FRMD4A: variants seen among roughly 807,000 people sequenced by gnomAD.
FRMD4A encodes the protein FERM domain-containing protein 4A.
In FRMD4A, 29 loss-of-function variants were observed where a neutral mutation model predicts 129.1. The observed-to-expected ratio is 0.22, with a 90% CI of 0.17 to 0.31. The LOEUF is 0.31. FRMD4A is among the 10% of genes least tolerant of loss of function. The probability of loss-of-function intolerance (pLI) is 1.00; values close to 1 mark genes in which losing one functional copy is unlikely to be tolerated. For missense variants in FRMD4A, 1,272 were observed against 1,375.8 expected, an observed-to-expected ratio of 0.92 and a Z score of 1.19; for synonymous variants, 634 against 571.6, an observed-to-expected ratio of 1.11 and a Z score of -1.56.
chr10:13,884,130 ACGCT>A (rs752297219), intron 2 of FRMD4A, among the ~76,000 whole-genome samples: 22,652 of 89,770 alleles, frequency 0.25, 3,238 homozygotes, highest in Non-Finnish European at 0.29. Flanking sequence ...ACTCACACAC[ACGCT>A]CACACACACT....
intron 2 of FRMD4A, among the ~76,000 whole-genome samples, chr10:14,053,108 G>T (rs945307335): frequency 1.6e-4 from 25 of 152,268 alleles, no homozygotes; most frequent in South Asian, 2.1e-4. Context: ...GTGAGCAAAC[G>T]TTTTGAAGGG....
chr10:13,734,651 T>C (rs896293758), intron 12 of FRMD4A, among the ~76,000 whole-genome samples: 2 of 110,144 alleles, frequency 1.8e-5, no homozygotes, highest in Non-Finnish European at 4.4e-5. Context: ...ACTTCTCTTC[T>C]CCTTACACCC....
intron 15 of FRMD4A, among the ~76,000 whole-genome samples, chr10:13,679,943 A>G (rs976893298): frequency 7.9e-5 from 12 of 151,980 alleles, no homozygotes; most frequent in African/African-American, 2.9e-4. Flanking sequence ...GCCCTCTGAT[A>G]TTGATCTGCT....
At chr10:13,766,365 A>G (rs1357872923) in intron 6 of FRMD4A, among the ~76,000 whole-genome samples, 1 of 152,214 alleles carries the variant, frequency 6.6e-6, no homozygotes, top group Non-Finnish European at 1.5e-5. Context: ...TTGACTATCT[A>G]TCTCCCAGTG....
chr10:14,163,654 G>A (rs1232230756), intron 2 of FRMD4A, among the ~76,000 whole-genome samples: 1 of 152,204 alleles, frequency 6.6e-6, no homozygotes, highest in African/African-American at 2.4e-5. Flanking sequence ...AAGCAAATGA[G>A]ATTCCAGAAC....
At chr10:14,106,816 T>A (rs1837610361) in intron 2 of FRMD4A, among the ~76,000 whole-genome samples, 1 of 152,162 alleles carries the variant, frequency 6.6e-6, no homozygotes, top group Admixed American at 6.5e-5. Flanking sequence ...CTGAAGGAAC[T>A]TAAAATCGAG....
At chr10:14,059,720 C>T (rs1243454008) in intron 2 of FRMD4A, among the ~76,000 whole-genome samples, 1 of 152,226 alleles carries the variant, frequency 6.6e-6, no homozygotes, top group Admixed American at 6.5e-5. Flanking sequence ...AGTTGTTTGA[C>T]TCAATAACGG....
At chr10:13,839,503 A>G (rs2093929472) in intron 3 of FRMD4A, among the ~76,000 whole-genome samples, 1 of 152,186 alleles carries the variant, frequency 6.6e-6, no homozygotes, top group African/African-American at 2.4e-5. Flanking sequence ...ATGTAGTTGT[A>G]AAGTCCTAAG....
Position 14,262,964 on chromosome 10 carries a change from C to T in FRMD4A, c.45+67094G>A, listed in dbSNP as rs550333955. On this transcript the variant is annotated intron_variant, in intron 2 of 24. Coordinates refer to ENST00000357447, the MANE Select transcript of FRMD4A (RefSeq NM_018027.5). ...AAAGAAGCAAACAACAAATGCAGCC[C>T]GTGCTGTTCTCATTCTGTCTGTCAG... 3.9e-5 allele frequency among the ~76,000 whole-genome samples: 6 copies of T among 152,308 alleles called. No homozygotes were observed. In the South Asian group the frequency reaches 8.3e-4, roughly 21 times the overall value.
intron 2 of FRMD4A, among the ~76,000 whole-genome samples, chr10:13,931,134 G>A (rs1427638956): frequency 6.6e-6 from 1 of 152,138 alleles, no homozygotes; most frequent in African/African-American, 2.4e-5. Flanking sequence ...CTGATGTAAG[G>A]TGTTGAGCCA....
At chr10:14,250,174 TG>T (rs1844386869) in intron 2 of FRMD4A, among the ~76,000 whole-genome samples, 1 of 152,190 alleles carries the variant, frequency 6.6e-6, no homozygotes. Flanking sequence ...TTGGCCAGGT[TG>T]GTCTTGAACT....
At chr10:13,829,070 C>T (rs1382150064) in intron 3 of FRMD4A, among the ~76,000 whole-genome samples, 1 of 152,146 alleles carries the variant, frequency 6.6e-6, no homozygotes. Context: ...ATTTGCATTC[C>T]TACCAACAGT....
rs74121842 is a variant in FRMD4A at position 13,697,941 on chromosome 10, G to A, written c.975+3399C>T. ...AGCAGACAACGTTTCTGATCTCTGG[G>A]GTCAGCATAGAAGTTACCAATTATA... On this transcript the variant is annotated intron_variant, in intron 14 of 24. Coordinates refer to ENST00000357447, the MANE Select transcript of FRMD4A (RefSeq NM_018027.5). Among the ~76,000 whole-genome samples the A allele has an allele frequency of 3.1e-3, 473 of 152,196 alleles. 3 individuals carry two copies. The highest frequency in any genetic ancestry group is 0.011 in the African/African-American group (451 of 41,528).
intron 8 of FRMD4A, among the ~76,000 whole-genome samples, chr10:13,759,800 T>C (rs2091997725): frequency 6.6e-6 from 1 of 152,170 alleles, no homozygotes; most frequent in Non-Finnish European, 1.5e-5. Context: ...CCAAAGCTAC[T>C]TACAGTCATT....
chr10:14,095,787 C>T lies in FRMD4A; in HGVS notation c.45+234271G>A, dbSNP rs1435371440. On this transcript the variant is annotated intron_variant, in intron 2 of 24. Transcript: ENST00000357447. ...AACATGCTTTCCAAAACACGACCCA[C>T]TTCTCCAGAGTTTAATCATGCTGAG... Among the ~76,000 whole-genome samples, 4 of 152,244 alleles carry T rather than the reference C, an allele frequency of 2.6e-5. No homozygotes were observed. The East Asian group carries it at 5.8e-4, about 22-fold the overall frequency.
rs1181787526 is a variant in FRMD4A, at chr10:13,670,604, C to T, written c.1252-76G>A. 120 of 1,430,224 alleles carry T rather than the reference C, an allele frequency of 8.4e-5. 2 individuals are homozygous for T. The highest frequency in any genetic ancestry group is 5.7e-4 in the South Asian group (48 of 84,416). 88.6% of individuals were successfully genotyped at this position (1,430,224 alleles called of 1,614,324 possible). A position where few individuals can be genotyped will look rare whatever the true frequency, so the allele number is the denominator to read the frequency against. On this transcript the variant is annotated intron_variant, in intron 16 of 24. Transcript: ENST00000357447. ...GTCTGCTTCCTAGAACACACACACACGCACATACACGCACACAAAAATGCA... is the reference window on the plus strand; with the variant it reads ...GTCTGCTTCCTAGAACACACACACATGCACATACACGCACACAAAAATGCA...
At chr10:14,045,696 A>G (rs1008936813) in intron 2 of FRMD4A, among the ~76,000 whole-genome samples, 4 of 146,474 alleles carry the variant, frequency 2.7e-5, no homozygotes, top group African/African-American at 7.4e-5. Flanking sequence ...ATATGATATA[A>G]TTATATTATA....
At chr10:14,104,617 A>C (rs1199509748) in intron 2 of FRMD4A, among the ~76,000 whole-genome samples, 1 of 152,230 alleles carries the variant, frequency 6.6e-6, no homozygotes, top group African/African-American at 2.4e-5. Flanking sequence ...CGACCTGAGT[A>C]GAAAGGCCAG....
intron 13 of FRMD4A, 129 bp from the exon 14 acceptor site, chr10:13,701,607 A>C: frequency 1.3e-6 from 1 of 757,312 alleles, no homozygotes; most frequent in Non-Finnish European, 2.2e-6. Flanking sequence ...ATGAGCTCTC[A>C]CATACACCTA....
Sources: allele counts gnomAD v4.1 joint callset (sites outside exome capture counted in the v4.1 genomes callset), GRCh38; gene constraint gnomAD v4.1.1; transcripts MANE v1.5; gene names NCBI Gene and HGNC (gene_info 2026-07-23, HGNC 2026-07-21).